Variants in DUOX1 observed in about 807,000 individuals in gnomAD.
DUOX1 encodes the protein NADPH thyroid oxidase 1.
A neutral mutation model predicts 181.8 loss-of-function variants in DUOX1; 134 were observed. That is an observed-to-expected ratio of 0.74 (90% CI 0.64 to 0.85). DUOX1 has a LOEUF of 0.85. DUOX1 is among the 40% of genes least tolerant of loss of function. The pLI, the probability that DUOX1 is intolerant of heterozygous loss-of-function variation, is 0.00. For synonymous variants in DUOX1, 798 were observed against 832.5 expected, an observed-to-expected ratio of 0.96 and a Z score of 0.71; for missense variants, 1,814 against 2,064.4, an observed-to-expected ratio of 0.88 and a Z score of 2.35.
intron 2 of DUOX1, among the ~76,000 whole-genome samples, chr15:45,133,611 C>T (rs1896207903): frequency 6.6e-6 from 1 of 152,238 alleles, no homozygotes; most frequent in Non-Finnish European, 1.5e-5. Flanking sequence ...TCTGTCAGCA[C>T]ACTCTGCTCC....
intron 26 of DUOX1, 163 bp downstream of exon 26, chr15:45,153,642 G>A: frequency 1.3e-6 from 1 of 772,728 alleles, no homozygotes; most frequent in Non-Finnish European, 2.2e-6. Flanking sequence ...TGACCAGCCT[G>A]AGCCCCTAAT....
chr15:45,156,302 A>G (rs1027744827), intron 28 of DUOX1, among the ~76,000 whole-genome samples: 1 of 152,174 alleles, frequency 6.6e-6, no homozygotes, highest in Admixed American at 6.5e-5. Flanking sequence ...GAAGAAACTT[A>G]TCTTAAATGG....
Position 45,144,894 on chromosome 15 carries a change from G to A in DUOX1, c.2137-1G>A, listed in dbSNP as rs746774665. ...TGCTTTTGCTCGGGCTGCCCCCTTAGGTGCTGCTGTTTAACTTGGAGGAAG... is the reference window on the plus strand; with the variant it reads ...TGCTTTTGCTCGGGCTGCCCCCTTAAGTGCTGCTGTTTAACTTGGAGGAAG... On this transcript the variant is annotated splice_acceptor_variant, in intron 17 of 33. Coordinates refer to ENST00000389037, the MANE Select transcript of DUOX1 (RefSeq NM_175940.3). LOFTEE classifies it high-confidence loss of function. 6.2e-7 allele frequency: 1 copy of A among 1,607,142 alleles called. No homozygotes were observed. The highest frequency in any genetic ancestry group is 8.5e-7 in the Non-Finnish European group (1 of 1,177,176).
At position 45,136,332 on chromosome 15, in the gene DUOX1, C is replaced by T. The variant is rs755221759; in HGVS notation, c.865-18C>T. 2 of 1,613,060 alleles carry T rather than the reference C, an allele frequency of 1.2e-6. No individual in the cohort carries two copies. The highest frequency in any genetic ancestry group is 1.7e-6 in the Non-Finnish European group (2 of 1,180,028). On this transcript the variant is annotated intron_variant, in intron 7 of 33. Transcript: ENST00000389037. ...CCCATCCAACTCGTGCCTCCCCTCG[C>T]CCCTCTCTGCCCCTCAGAACATCGC...
chr15:45,151,033 C>T (rs1454538912), intron 22 of DUOX1, 90 bp from the exon 23 acceptor site: 3 of 1,559,584 alleles, frequency 1.9e-6, no homozygotes, highest in Non-Finnish European at 2.6e-6. Context: ...GATCCTTCCT[C>T]AGCAGAATGG....
At position 45,162,294 on chromosome 15, in the gene DUOX1, G is replaced by T. The variant is rs2141311286; in HGVS notation, c.4165G>T (p.Gly1389Cys). The change falls in exon 31 of 34, where the codon GGC (glycine) becomes TGC (cysteine). Residue 1389 changes from glycine (G) to cysteine (C), a missense_variant. Around this residue, in one of 5 missense-constraint regions of DUOX1, gnomAD observed 279 missense variants for 381.9 expected, o/e 0.73. Coordinates refer to ENST00000389037, the MANE Select transcript of DUOX1 (RefSeq NM_175940.3). ...TGAGGTGTCAGTGTTAGTGGGAGGG[G>T]GCATTGGGGTCACCCCTTTTGCCTC... is the stretch of plus-strand genomic sequence containing the variant. ...KFEVSVLVGG[G>C]IGVTPFASIL... 1 of 1,613,914 alleles carries T rather than the reference G, an allele frequency of 6.2e-7. No individual in the cohort carries two copies. The highest frequency in any genetic ancestry group is 1.7e-4 in the Middle Eastern group (1 of 6,060).
rs755483924 is a variant in DUOX1, at chr15:45,151,931, C to T, written c.3072C>T (p.Arg1024=). The change falls in exon 24 of 34, where the codon CGC becomes CGT. Residue 1024 remains arginine, a synonymous_variant. Coordinates refer to ENST00000389037, the MANE Select transcript of DUOX1 (RefSeq NM_175940.3). ...AGGCGCACCGAGAGAAGTTCCAACGCAGCTGTCTCCACCAGACGGTGCAAC... is the reference window on the plus strand; with the variant it reads ...AGGCGCACCGAGAGAAGTTCCAACGTAGCTGTCTCCACCAGACGGTGCAAC... ...FTEAHREKFQ[R]SCLHQTVQQF... 1.2e-6 allele frequency: 2 copies of T among 1,614,116 alleles called. No homozygotes were observed. Among genetic ancestry groups the T allele is most frequent in the Non-Finnish European group, 1.7e-6 (2 of 1,180,010 alleles).
At position 45,163,577 on chromosome 15, in the gene DUOX1, C is replaced by T. The variant is rs1356861427; in HGVS notation, c.4294C>T (p.Leu1432=). ...GCGGACCCAGCGTCAGTTTGAGTGG[C>T]TGGCTGACATCATCCGAGAGGTGGA... ...VTRTQRQFEW[L]ADIIREVEEN... is the part of the protein sequence containing the mutation. The change falls in exon 32 of 34, where the codon CTG becomes TTG. Residue 1432 remains leucine (L), a synonymous_variant. Transcript: ENST00000389037. 1 of 1,614,092 alleles carries T rather than the reference C, an allele frequency of 6.2e-7. No homozygotes were observed. Among genetic ancestry groups the T allele is most frequent in the African/African-American group, 1.3e-5 (1 of 74,920 alleles).
At position 45,144,086 on chromosome 15, in the gene DUOX1, C is replaced by T. The variant is rs1896580238; in HGVS notation, c.1987C>T (p.Leu663=). 6.2e-7 allele frequency: 1 copy of T among 1,614,060 alleles called. No individual in the cohort carries two copies. The highest frequency in any genetic ancestry group is 2.2e-5 in the East Asian group (1 of 44,882). The change falls in exon 17 of 34, where the codon CTG becomes TTG. Residue 663 remains leucine (L), a synonymous_variant. Coordinates refer to ENST00000389037, the MANE Select transcript of DUOX1 (RefSeq NM_175940.3). The part of the protein sequence containing the change: ...KEPCRPVLVY[L]QPGQIRVVDG... ...GCCCTGCCGGCCCGTGCTTGTGTACCTGCAGCCCGGGCAGATCCGTGTGGT... is the reference window on the plus strand; with the variant it reads ...GCCCTGCCGGCCCGTGCTTGTGTACTTGCAGCCCGGGCAGATCCGTGTGGT...
chr15:45,138,747 A>C, intron 10 of DUOX1: 1 of 275,910 alleles, frequency 3.6e-6, no homozygotes, highest in Non-Finnish European at 6.8e-6. Context: ...AAGGTCATAC[A>C]GCTGGTTAGT....
At chr15:45,135,725 G>C in intron 6 of DUOX1, 50 bp downstream of exon 6, 1 of 1,436,684 alleles carries the variant, frequency 7.0e-7, no homozygotes, top group Non-Finnish European at 9.1e-7. Flanking sequence ...GCGAGTGTGG[G>C]CTCCCCCGAT....
intron 33 of DUOX1, 84 bp downstream of exon 33, chr15:45,164,002 G>T (rs1897169114): frequency 4.5e-6 from 7 of 1,541,974 alleles, no homozygotes; most frequent in Middle Eastern, 4.7e-4. Flanking sequence ...CATCGAGGAA[G>T]AAATCGACTG....
chr15:45,143,907 C>A, intron 16 of DUOX1, 129 bp from the exon 17 acceptor site: 1 of 840,328 alleles, frequency 1.2e-6, no homozygotes, highest in Non-Finnish European at 1.9e-6. Flanking sequence ...GGGAATGACT[C>A]TCAGTACCCC....
intron 11 of DUOX1, 74 bp downstream of exon 11, chr15:45,139,242 C>T: frequency 6.2e-7 from 1 of 1,610,118 alleles, no homozygotes. Flanking sequence ...CTTCCAGAAC[C>T]AGGTATGAGG....
At position 45,162,285 on chromosome 15, in the gene DUOX1, G is replaced by C; in HGVS notation, c.4156G>C (p.Val1386Leu). 1 of 1,613,820 alleles carries C rather than the reference G, an allele frequency of 6.2e-7. No homozygotes were observed. The highest frequency in any genetic ancestry group is 8.5e-7 in the Non-Finnish European group (1 of 1,179,886). Residue 1386 changes from valine to leucine, a missense_variant, in exon 31 of 34, where the codon GTG becomes CTG. This residue lies in a region of DUOX1 where 279 missense variants were observed against 381.9 expected (regional missense o/e 0.73). Coordinates refer to ENST00000389037, the MANE Select transcript of DUOX1 (RefSeq NM_175940.3). ...EWHKFEVSVLVGGGIGVTPFA... is the reference protein window; with the variant it reads ...EWHKFEVSVLLGGGIGVTPFA... ...GCATAAGTTTGAGGTGTCAGTGTTAGTGGGAGGGGGCATTGGGGTCACCCC... is the reference window on the plus strand; with the variant it reads ...GCATAAGTTTGAGGTGTCAGTGTTACTGGGAGGGGGCATTGGGGTCACCCC...
rs530720685 is a variant in DUOX1, at chr15:45,162,221, G to A, written c.4092G>A (p.Leu1364=). Residue 1364 remains leucine (L), a splice_region_variant and synonymous_variant, in exon 31 of 34, where the codon CTG becomes CTA. Transcript: ENST00000389037. ...GAAACCCACGCCCCTCCCTACAGCT[G>A]TACCTTGATGGACCATTTGGAGAGG... The part of the protein sequence containing the change: ...TGDRCARYPK[L]YLDGPFGEGH... 18 of 1,608,070 alleles carry A rather than the reference G, an allele frequency of 1.1e-5. No homozygotes were observed. The South Asian group carries it at 1.7e-4, about 15-fold the overall frequency.
Position 45,165,195 on chromosome 15 carries a change from A to C in DUOX1, c.*294A>C. 1 of 476,286 alleles carries C rather than the reference A, an allele frequency of 2.1e-6. No homozygotes were observed. Among genetic ancestry groups the C allele is most frequent in the Non-Finnish European group, 3.8e-6 (1 of 263,394 alleles). 29.5% of individuals were successfully genotyped at this position (476,286 alleles called of 1,614,324 possible). A position where few individuals can be genotyped will look rare whatever the true frequency, so the allele number is the denominator to read the frequency against. On this transcript the variant is annotated 3_prime_UTR_variant, in exon 34 of 34. Transcript: ENST00000389037. ...CTCTGCTTCCAGACTTCAGAAACAA[A>C]TCTCAGAAGACAAGCTGACCTGACA...
chr15:45,136,179 C>A (rs536366828), intron 7 of DUOX1, among the ~76,000 whole-genome samples, 171 bp from the exon 8 acceptor site: 1 of 152,306 alleles, frequency 6.6e-6, no homozygotes, highest in East Asian at 1.9e-4. Context: ...TCCCTCAAAT[C>A]CCCTGGTTCC....
At chr15:45,130,823 G>A (rs892434955) in intron 1 of DUOX1, among the ~76,000 whole-genome samples, 9 of 152,190 alleles carry the variant, frequency 5.9e-5, no homozygotes, top group Admixed American at 2.0e-4. Flanking sequence ...TGGTGGTGGC[G>A]GGGGAGGGGA....
Sources: allele counts gnomAD v4.1 joint callset (sites outside exome capture counted in the v4.1 genomes callset), GRCh38; gene constraint gnomAD v4.1.1; regional missense constraint gnomAD v4.1.1; transcripts MANE v1.5; gene names NCBI Gene and HGNC (gene_info 2026-07-23, HGNC 2026-07-21).